The following ESRP2 variants were observed in gnomAD, a reference collection of about 807,000 sequenced individuals.
The protein encoded by ESRP2 is RNA binding motif protein 35A.
Under a neutral mutation model 78.6 loss-of-function variants are expected in ESRP2, and 48 were observed. The ratio of observed to expected loss-of-function variants is 0.61; its 90% CI spans 0.48 to 0.78. ESRP2 has a LOEUF of 0.78. ESRP2 is among the 30% of genes least tolerant of loss of function. ESRP2 has a pLI of 0.00. For missense variants in ESRP2, 863 were observed against 965.9 expected (o/e 0.89, Z 1.41); for synonymous variants, 383 against 406.7 (o/e 0.94, Z 0.70).
At position 68,232,461 on chromosome 16, in the gene ESRP2, A is replaced by G; in HGVS notation, c.864T>C (p.Asn288=). ...ALCLNAQGRR[N]GEALIRFVDS... The stretch of plus-strand genomic sequence containing the variant: ...CCACAAAGCGGATGAGGGCCTCGCC[A>G]TTTCTGCGGCCCTGGGCGTTGAGGC... The change falls in exon 8 of 15, where the codon AAT becomes AAC. Residue 288 remains asparagine, a synonymous_variant. Transcript: ENST00000473183. This position sits in a 1 kb window ranked among gnomAD's most constrained non-coding sequence, Gnocchi z 5.2. The G allele has an allele frequency of 6.2e-7, 1 of 1,613,892 alleles. No homozygotes were observed. The highest frequency in any genetic ancestry group is 1.7e-5 in the Admixed American group (1 of 60,002).
Position 68,233,385 on chromosome 16 carries a change from C to G in ESRP2, c.597G>C (p.Gly199=), listed in dbSNP as rs750721080. 1 of 1,614,012 alleles carries G rather than the reference C, an allele frequency of 6.2e-7. No individual in the cohort carries two copies. The highest frequency in any genetic ancestry group is 1.1e-5 in the South Asian group (1 of 91,068). Residue 199 remains glycine (G), a synonymous_variant, in exon 5 of 15, where the codon GGG becomes GGC. Coordinates refer to ENST00000473183, the MANE Select transcript of ESRP2 (RefSeq NM_024939.3). ...LETDATEDDF[G]VWEVKTMVAV... is the part of the protein sequence containing the mutation. ...CTACCATTGTCTTGACTTCCCAGAC[C>G]CCAAAGTCATCCTCTGTGGCATCTG...
chr16:68,232,539 G>A lies in ESRP2; in HGVS notation c.822-36C>T. On this transcript the variant is annotated intron_variant, in intron 7 of 14. Coordinates refer to ENST00000473183, the MANE Select transcript of ESRP2 (RefSeq NM_024939.3). The surrounding 1 kb of genome is among the most constrained non-coding windows in gnomAD (Gnocchi z 5.2). ...AGTGCTGTTAGTGCCTCCTGGGTAG[G>A]CCTGTCCAATTGGGCCCACCCACCC... 1 of 1,614,092 alleles carries A rather than the reference G, an allele frequency of 6.2e-7. No individual in the cohort carries two copies. The highest frequency in any genetic ancestry group is 1.3e-5 in the African/African-American group (1 of 75,042).
rs1227746970 is a variant in ESRP2 at position 68,229,606 on chromosome 16, CA to C, written c.*619del. Reference sequence around the variant, plus strand: ...CTGGTGATACTGCAGCACAGTCCATCAAAATAGTTTGTGGTTTTGCCATCTG... The same window carrying C: ...CTGGTGATACTGCAGCACAGTCCATCAAATAGTTTGTGGTTTTGCCATCTG... On this transcript the variant is annotated 3_prime_UTR_variant, in exon 15 of 15. Coordinates refer to ENST00000473183, the MANE Select transcript of ESRP2 (RefSeq NM_024939.3). The C allele has an allele frequency of 6.5e-6, 1 of 153,332 alleles. No individual in the cohort carries two copies. The highest frequency in any genetic ancestry group is 1.5e-5 in the Non-Finnish European group (1 of 68,780). The allele number at this position is 153,332 out of a possible 1,614,324, so 9.5% of individuals were successfully genotyped here. A position where few individuals can be genotyped will look rare whatever the true frequency, so the allele number is the denominator to read the frequency against.
chr16:68,235,665 C>A lies in ESRP2; in HGVS notation c.296G>T (p.Arg99Leu). The A allele has an allele frequency of 6.3e-7, 1 of 1,597,950 alleles. No homozygotes were observed. The highest frequency in any genetic ancestry group is 8.5e-7 in the Non-Finnish European group (1 of 1,178,614). The change falls in exon 2 of 15, where the codon CGG (arginine) becomes CTG (leucine). Residue 99 changes from arginine to leucine, a missense_variant. Transcript: ENST00000473183. This position sits in a 1 kb window ranked among gnomAD's most constrained non-coding sequence, Gnocchi z 5.5. ...CAGCACCTTGTCCAGCGGCTCTGCC[C>A]GCGCCAGGCTGTCGGCGCTCAGGCC... Reference protein sequence around the residue: ...ASGLSADSLARAEPLDKVLQQ... With the variant: ...ASGLSADSLALAEPLDKVLQQ...
Position 68,232,613 on chromosome 16 carries a change from T to A in ESRP2, c.785A>T (p.Asp262Val). The change falls in exon 7 of 15, where the codon GAC becomes GTC. Residue 262 changes from aspartate to valine, a missense_variant. Asp to Val is a radical substitution (Grantham distance 152, BLOSUM62 -3). Transcript: ENST00000473183. This position sits in a 1 kb window ranked among gnomAD's most constrained non-coding sequence, Gnocchi z 5.2. ...GAGCCCTTTGAAGAAGCGAGCCACGTCCTGGTCTGATGACTGCCACGGCAA... is the reference window on the plus strand; with the variant it reads ...GAGCCCTTTGAAGAAGCGAGCCACGACCTGGTCTGATGACTGCCACGGCAA... ...RGLPWQSSDQ[D>V]VARFFKGLNV... 1 of 1,613,984 alleles carries A rather than the reference T, an allele frequency of 6.2e-7. No individual in the cohort carries two copies. Among genetic ancestry groups the A allele is most frequent in the Non-Finnish European group, 8.5e-7 (1 of 1,179,982 alleles).
Position 68,231,666 on chromosome 16 carries a change from A to T in ESRP2, c.1328T>A (p.Leu443His). 6.2e-7 allele frequency: 1 copy of T among 1,611,864 alleles called. No homozygotes were observed. The highest frequency in any genetic ancestry group is 8.5e-7 in the Non-Finnish European group (1 of 1,178,540). ...QVLNRYASGP[L>H]LPTLTAPLLP... ...CAGTGGGGCAGTCAGTGTAGGAAGG[A>T]GTGGGCCGGATGCATAGCGGTTCAA... The change falls in exon 11 of 15, where the codon CTC becomes CAC. Residue 443 changes from leucine to histidine, a missense_variant. Physicochemically the swap from Leu to His is moderately conservative, Grantham distance 99. Transcript: ENST00000473183. The surrounding 1 kb of genome is among the most constrained non-coding windows in gnomAD (Gnocchi z 6.0).
intron 5 of ESRP2, 74 bp downstream of exon 5, chr16:68,233,253 A>G (rs2042172197): frequency 2.0e-6 from 2 of 1,024,470 alleles, no homozygotes; most frequent in African/African-American, 1.6e-5. Context: ...CTCTTAGAGA[A>G]GGTCACAGTG....
chr16:68,235,964 C>A lies in ESRP2; in HGVS notation c.82G>T (p.Gly28Ter), dbSNP rs750680674. Residue 28 changes from glycine to a stop codon, truncating the protein, a stop_gained, in exon 1 of 15, where the codon GGA becomes TGA. Coordinates refer to ENST00000473183, the MANE Select transcript of ESRP2 (RefSeq NM_024939.3). LOFTEE classifies it high-confidence loss of function. The surrounding 1 kb of genome is among the most constrained non-coding windows in gnomAD (Gnocchi z 5.5). Reference sequence around the variant, plus strand: ...GCCCCGAAGAGGACGACCAGTGATCCGGGCCAGGGGCAGGGGTCCGCGGCG... The same window carrying A: ...GCCCCGAAGAGGACGACCAGTGATCAGGGCCAGGGGCAGGGGTCCGCGGCG... Reference protein sequence around the residue: ...DPAADPCPWPGSLVVLFGATA... With the variant: ...DPAADPCPWP 5 of 1,608,930 alleles carry A rather than the reference C, an allele frequency of 3.1e-6. No individual in the cohort carries two copies. Among genetic ancestry groups the A allele is most frequent in the African/African-American group, 2.7e-5 (2 of 74,820 alleles).
At position 68,232,144 on chromosome 16, in the gene ESRP2, C is replaced by T. The variant is rs1270007041; in HGVS notation, c.998-41G>A. ...GCCTGCTGACTTCACTCATGCTCCTCCAGACACTCACCCATGCAGGGGAGC... is the reference window on the plus strand; with the variant it reads ...GCCTGCTGACTTCACTCATGCTCCTTCAGACACTCACCCATGCAGGGGAGC... On this transcript the variant is annotated intron_variant, in intron 9 of 14. Coordinates refer to ENST00000473183, the MANE Select transcript of ESRP2 (RefSeq NM_024939.3). This position sits in a 1 kb window ranked among gnomAD's most constrained non-coding sequence, Gnocchi z 5.2. 6.2e-7 allele frequency: 1 copy of T among 1,611,572 alleles called. No homozygotes were observed. The highest frequency in any genetic ancestry group is 1.3e-5 in the African/African-American group (1 of 74,848).
chr16:68,235,670 C>T lies in ESRP2; in HGVS notation c.291G>A (p.Leu97=), dbSNP rs2042215969. 1 of 1,598,666 alleles carries T rather than the reference C, an allele frequency of 6.3e-7. No individual in the cohort carries two copies. The highest frequency in any genetic ancestry group is 1.3e-5 in the African/African-American group (1 of 74,994). ...CCTTGTCCAGCGGCTCTGCCCGCGC[C>T]AGGCTGTCGGCGCTCAGGCCGCTCG... ...REASGLSADS[L]ARAEPLDKVL... is the part of the protein sequence containing the mutation. Residue 97 remains leucine, a synonymous_variant, in exon 2 of 15, where the codon CTG becomes CTA. Transcript: ENST00000473183. This position sits in a 1 kb window ranked among gnomAD's most constrained non-coding sequence, Gnocchi z 5.5.
Position 68,232,572 on chromosome 16 carries a change from C to A in ESRP2, c.821+5G>T, listed in dbSNP as rs1356244032. 6.2e-7 allele frequency: 1 copy of A among 1,614,158 alleles called. No homozygotes were observed. Among genetic ancestry groups the A allele is most frequent in the Admixed American group, 1.7e-5 (1 of 60,026 alleles). On this transcript the variant is annotated splice_donor_5th_base_variant and intron_variant, in intron 7 of 14. Transcript: ENST00000473183. This position sits in a 1 kb window ranked among gnomAD's most constrained non-coding sequence, Gnocchi z 5.2. ...AATTGGGCCCACCCACCCTGCCACA[C>A]CCACCTGGCCACGTTGAGCCCTTTG... is the stretch of plus-strand genomic sequence containing the variant.
intron 2 of ESRP2, 179 bp from the exon 3 acceptor site, chr16:68,234,286 C>T (rs2042191144): frequency 1.7e-6 from 1 of 593,920 alleles, no homozygotes; most frequent in Non-Finnish European, 3.0e-6. Flanking sequence ...TCCCCTCACC[C>T]CCCAACCCTG....
In ESRP2 at chr16:68,231,052, T is replaced by C; in HGVS notation, c.1712-25A>G. ...CCTAGAGACGGAAGTAGAAAGTGCA[T>C]GTGCACGGAGCCCAGCACTGCCCTG... On this transcript the variant is annotated intron_variant, in intron 12 of 14. Transcript: ENST00000473183. This position sits in a 1 kb window ranked among gnomAD's most constrained non-coding sequence, Gnocchi z 6.0. 6.3e-7 allele frequency: 1 copy of C among 1,589,316 alleles called. No homozygotes were observed. The highest frequency in any genetic ancestry group is 8.6e-7 in the Non-Finnish European group (1 of 1,166,170).
In ESRP2 at chr16:68,232,758, C is replaced by T; in HGVS notation, c.710+3G>A. 6.2e-7 allele frequency: 1 copy of T among 1,614,260 alleles called. No individual in the cohort carries two copies. Among genetic ancestry groups the T allele is most frequent in the Non-Finnish European group, 8.5e-7 (1 of 1,180,044 alleles). ...CACCCCCAGCCCCTGCTCCCACACT[C>T]ACCAAGGCCCCGTCTCGTATTTCTG... is the stretch of plus-strand genomic sequence containing the variant. On this transcript the variant is annotated splice_donor_region_variant and intron_variant, in intron 6 of 14. Coordinates refer to ENST00000473183, the MANE Select transcript of ESRP2 (RefSeq NM_024939.3). The surrounding 1 kb of genome is among the most constrained non-coding windows in gnomAD (Gnocchi z 5.2).
At position 68,232,790 on chromosome 16, in the gene ESRP2, C is replaced by A; in HGVS notation, c.681G>T (p.Val227=). 6.2e-7 allele frequency: 1 copy of A among 1,614,246 alleles called. No individual in the cohort carries two copies. Among genetic ancestry groups the A allele is most frequent in the South Asian group, 1.1e-5 (1 of 91,084 alleles). Residue 227 remains valine, a synonymous_variant, in exon 6 of 15, where the codon GTG becomes GTT. Coordinates refer to ENST00000473183, the MANE Select transcript of ESRP2 (RefSeq NM_024939.3). This position sits in a 1 kb window ranked among gnomAD's most constrained non-coding sequence, Gnocchi z 5.2. ...GCCCCGTCTCGTATTTCTGCTTTAT[C>A]ACCTCGGGCTTCGAAAACAATTGAC... is the stretch of plus-strand genomic sequence containing the variant. ...PSSQLFSKPE[V]IKQKYETGPC... is the part of the protein sequence containing the mutation.
In ESRP2 at chr16:68,232,891, C is replaced by G; in HGVS notation, c.656-76G>C. ...CCCACCAAGTTCTGCAAAAAGTGGA[C>G]AATTGAGAGAGATGAAGAAATGACA... On this transcript the variant is annotated intron_variant, in intron 5 of 14. Coordinates refer to ENST00000473183, the MANE Select transcript of ESRP2 (RefSeq NM_024939.3). This position sits in a 1 kb window ranked among gnomAD's most constrained non-coding sequence, Gnocchi z 5.2. 6.3e-7 allele frequency: 1 copy of G among 1,595,584 alleles called. No homozygotes were observed. The highest frequency in any genetic ancestry group is 8.6e-7 in the Non-Finnish European group (1 of 1,165,468).
In ESRP2 at chr16:68,230,286, C is replaced by T; in HGVS notation, c.2094G>A (p.Met698Ile). 6.2e-7 allele frequency: 1 copy of T among 1,614,226 alleles called. No individual in the cohort carries two copies. Residue 698 changes from methionine (M) to isoleucine (I), a missense_variant, in exon 15 of 15, where the codon ATG (methionine) becomes ATA (isoleucine). Physicochemically the swap from Met to Ile is conservative, Grantham distance 10 (BLOSUM62 1). Coordinates refer to ENST00000473183, the MANE Select transcript of ESRP2 (RefSeq NM_024939.3). ...CAGTGCGAGGTGGGTCACCAACAGG[C>T]ATCAGACTGGTGTAGTCATCAGCGG... ...QLPADDYTSLMPVGDPPRTVL... is the reference protein window; with the variant it reads ...QLPADDYTSLIPVGDPPRTVL...
At chr16:68,233,537 G>A (rs1428631416) in intron 4 of ESRP2, 112 bp from the exon 5 acceptor site, 3 of 894,000 alleles carry the variant, frequency 3.4e-6, no homozygotes, top group African/African-American at 3.3e-5. Context: ...ATACACATTT[G>A]TTTTGGCCCA....
rs12920135 is a variant in ESRP2, at chr16:68,231,928, C to T, written c.1173G>A (p.Pro391=). The T allele has an allele frequency of 1.6e-4, 256 of 1,614,064 alleles. 1 individual carries two copies. In the East Asian group the frequency reaches 2.3e-3, roughly 14 times the overall value. ...LLFVRHPDGR[P]TGDAFALFAC... ...CAAAGAGGGCGAAGGCATCACCAGT[C>T]GGCCGGCCATCAGGATGGCGCACAA... The change falls in exon 10 of 15, where the codon CCG becomes CCA. Residue 391 remains proline (P), a synonymous_variant. Coordinates refer to ENST00000473183, the MANE Select transcript of ESRP2 (RefSeq NM_024939.3). This position sits in a 1 kb window ranked among gnomAD's most constrained non-coding sequence, Gnocchi z 6.0.
Sources: gnomAD v4.1 joint callset for allele counts on GRCh38, gnomAD v4.1.1 for gene constraint, Gnocchi (gnomAD v3.1) non-coding constraint, MANE v1.5 for transcripts, NCBI Gene and HGNC (gene_info 2026-07-23, HGNC 2026-07-21) for gene names.